ASB18: variants seen among roughly 807,000 people sequenced by gnomAD.
The protein encoded by ASB18 is ankyrin repeat and SOCS box protein 18.
In ASB18, 33 loss-of-function variants were observed where a neutral mutation model predicts 33.4. The observed-to-expected ratio is 0.99, with a 90% CI of 0.75 to 1.32. ASB18 has a LOEUF of 1.32. Among genes scored for constraint, ASB18 ranks in the 40% most tolerant of loss-of-function variants. ASB18 has a pLI of 0.00. For synonymous variants in ASB18, 295 were observed against 307.6 expected, an observed-to-expected ratio of 0.96 and a Z score of 0.43; for missense variants, 694 against 655.5, an observed-to-expected ratio of 1.06 and a Z score of -0.64.
intron 4 of ASB18, among the ~76,000 whole-genome samples, chr2:236,197,794 C>G (rs1346029298): frequency 6.7e-6 from 1 of 149,674 alleles, no homozygotes; most frequent in Non-Finnish European, 1.5e-5. Flanking sequence ...TGCACTCAAG[C>G]CTGGGCAACA....
In ASB18 at chr2:236,209,682, G is replaced by A. The variant is rs992186877; in HGVS notation, c.1101+4680C>T. Among the ~76,000 whole-genome samples, 2 of 152,174 alleles carry A rather than the reference G, an allele frequency of 1.3e-5. No homozygotes were observed. The highest frequency in any genetic ancestry group is 2.4e-5 in the African/African-American group (1 of 41,450). ...GCCCCCTACCTGGTGTGTTCTCTACGTCGAGCTTAGAAATTCCAAAATACT... is the reference window on the plus strand; with the variant it reads ...GCCCCCTACCTGGTGTGTTCTCTACATCGAGCTTAGAAATTCCAAAATACT... On this transcript the variant is annotated intron_variant, in intron 4 of 5. Coordinates refer to ENST00000409749, the MANE Select transcript of ASB18 (RefSeq NM_212556.4). The surrounding 1 kb of genome is among the most constrained non-coding windows in gnomAD (Gnocchi z 4.4).
Position 236,228,863 on chromosome 2 carries a change from A to T in ASB18, c.596+8826T>A, listed in dbSNP as rs2060552707. On this transcript the variant is annotated intron_variant, in intron 3 of 5. Coordinates refer to ENST00000409749, the MANE Select transcript of ASB18 (RefSeq NM_212556.4). This position sits in a 1 kb window ranked among gnomAD's most constrained non-coding sequence, Gnocchi z 5.1. ...TCAAACTATTTCCAAGTAACTTTACATTCCAGAGCAGAGATCAAGAATATT... is the reference window on the plus strand; with the variant it reads ...TCAAACTATTTCCAAGTAACTTTACTTTCCAGAGCAGAGATCAAGAATATT... 6.6e-6 allele frequency among the ~76,000 whole-genome samples: 1 copy of T among 152,236 alleles called. No individual in the cohort carries two copies. The highest frequency in any genetic ancestry group is 1.9e-4 in the East Asian group (1 of 5,200).
chr2:236,231,088 C>T lies in ASB18; in HGVS notation c.596+6601G>A, dbSNP rs564540058. Reference sequence around the variant, plus strand: ...TCTGGTGTCCATGCTCTTCTCTCCTCTCCTTGAGCGTGGGCAGAACCTTTG... The same window carrying T: ...TCTGGTGTCCATGCTCTTCTCTCCTTTCCTTGAGCGTGGGCAGAACCTTTG... On this transcript the variant is annotated intron_variant, in intron 3 of 5. Coordinates refer to ENST00000409749, the MANE Select transcript of ASB18 (RefSeq NM_212556.4). This position sits in a 1 kb window ranked among gnomAD's most constrained non-coding sequence, Gnocchi z 5.5. Among the ~76,000 whole-genome samples, 2 of 152,280 alleles carry T rather than the reference C, an allele frequency of 1.3e-5. No individual in the cohort carries two copies. The highest frequency in any genetic ancestry group is 3.9e-4 in the East Asian group (2 of 5,180).
chr2:236,227,547 C>A (rs2106274606), intron 3 of ASB18, among the ~76,000 whole-genome samples: 1 of 152,166 alleles, frequency 6.6e-6, no homozygotes, highest in Non-Finnish European at 1.5e-5. Context: ...ATAACTTGTC[C>A]AATGTTGCAC....
chr2:236,252,176 CAGG>C lies in ASB18; in HGVS notation c.206-10777_206-10775del, dbSNP rs1300696735. Among the ~76,000 whole-genome samples, 1 of 151,762 alleles carries C rather than the reference CAGG, an allele frequency of 6.6e-6. No individual in the cohort carries two copies. Among genetic ancestry groups the C allele is most frequent in the African/African-American group, 2.4e-5 (1 of 41,332 alleles). ...GTCCCAGCTATTCAGGAGGCTGAGACAGGAGAATTGCTTGAACCCAGGAGGCAG... is the reference window on the plus strand; with the variant it reads ...GTCCCAGCTATTCAGGAGGCTGAGACAGAATTGCTTGAACCCAGGAGGCAG... On this transcript the variant is annotated intron_variant, in intron 1 of 5. Transcript: ENST00000409749. This position sits in a 1 kb window ranked among gnomAD's most constrained non-coding sequence, Gnocchi z 7.9.
At chr2:236,199,335 C>T (rs2060387982) in intron 4 of ASB18, among the ~76,000 whole-genome samples, 1 of 151,300 alleles carries the variant, frequency 6.6e-6, no homozygotes, top group African/African-American at 2.4e-5. Context: ...TCGCTTGAAC[C>T]CGGGAGGCGG....
At position 236,260,856 on chromosome 2, in the gene ASB18, C is replaced by T. The variant is rs1399746424; in HGVS notation, c.205+3285G>A. ...TCGTGCCAGTCTCTGAGGGGAGGCC[C>T]CAGCAGAAAGCAGTTCCCAAGCTCA... On this transcript the variant is annotated intron_variant, in intron 1 of 5. Transcript: ENST00000409749. This position sits in a 1 kb window ranked among gnomAD's most constrained non-coding sequence, Gnocchi z 5.1. Among the ~76,000 whole-genome samples the T allele has an allele frequency of 6.6e-6, 1 of 152,136 alleles. No individual in the cohort carries two copies. The highest frequency in any genetic ancestry group is 1.9e-4 in the East Asian group (1 of 5,186).
At position 236,244,896 on chromosome 2, in the gene ASB18, G is replaced by A. The variant is rs752813432; in HGVS notation, c.206-3494C>T. Among the ~76,000 whole-genome samples, 39 of 152,304 alleles carry A rather than the reference G, an allele frequency of 2.6e-4. No homozygotes were observed. Among genetic ancestry groups the A allele is most frequent in the Non-Finnish European group, 4.3e-4 (29 of 68,026 alleles). On this transcript the variant is annotated intron_variant, in intron 1 of 5. Coordinates refer to ENST00000409749, the MANE Select transcript of ASB18 (RefSeq NM_212556.4). The surrounding 1 kb of genome is among the most constrained non-coding windows in gnomAD (Gnocchi z 6.1). ...CCCTGTTACAGGCATGAGTTTATGT[G>A]CACAGACTGACCCAAGGCCTGGAGG...
rs1383417923 is a variant in ASB18, at chr2:236,196,451, TG to T, written c.1102-67del. Reference sequence around the variant, plus strand: ...GTTCTGGGTCTCAGTGGGGAAAGGGTGGGGGGTGTGGGGGGATGCTCTCCCT... The same window carrying T: ...GTTCTGGGTCTCAGTGGGGAAAGGGTGGGGGTGTGGGGGGATGCTCTCCCT... On this transcript the variant is annotated intron_variant, in intron 4 of 5. Transcript: ENST00000409749. This position sits in a 1 kb window ranked among gnomAD's most constrained non-coding sequence, Gnocchi z 5.6. 1.8e-5 allele frequency: 12 copies of T among 675,254 alleles called. No homozygotes were observed. The highest frequency in any genetic ancestry group is 1.9e-5 in the African/African-American group (1 of 52,700). 41.8% of individuals were successfully genotyped at this position (675,254 alleles called of 1,614,324 possible). A position where few individuals can be genotyped will look rare whatever the true frequency, so the allele number is the denominator to read the frequency against.
At chr2:236,218,228 T>C (rs964029039) in intron 3 of ASB18, among the ~76,000 whole-genome samples, 8 of 152,202 alleles carry the variant, frequency 5.3e-5, no homozygotes, top group African/African-American at 1.9e-4. Context: ...GCTCTTTTCA[T>C]TTTTAATGAA....
In ASB18 at chr2:236,250,130, T is replaced by A. The variant is rs1336498351; in HGVS notation, c.206-8728A>T. The A allele has an allele frequency of 2.0e-5, 3 of 152,242 alleles. No individual in the cohort carries two copies. Among genetic ancestry groups the A allele is most frequent in the Admixed American group, 6.5e-5 (1 of 15,290 alleles). 9.4% of individuals were successfully genotyped at this position (152,242 alleles called of 1,614,324 possible). ...GGGTATCCACATGGTAGTGTTTGAA[T>A]GGTAACTATTATTTTCATGTGACAT... On this transcript the variant is annotated intron_variant, in intron 1 of 5. Coordinates refer to ENST00000409749, the MANE Select transcript of ASB18 (RefSeq NM_212556.4). The surrounding 1 kb of genome is among the most constrained non-coding windows in gnomAD (Gnocchi z 4.1).
In ASB18 at chr2:236,241,409, C is replaced by T. The variant is rs750036485; in HGVS notation, c.206-7G>A. 8.7e-6 allele frequency: 14 copies of T among 1,613,824 alleles called. No individual in the cohort carries two copies. The highest frequency in any genetic ancestry group is 1.1e-5 in the Non-Finnish European group (13 of 1,179,868). On this transcript the variant is annotated splice_polypyrimidine_tract_variant and splice_region_variant and intron_variant, in intron 1 of 5. Coordinates refer to ENST00000409749, the MANE Select transcript of ASB18 (RefSeq NM_212556.4). The surrounding 1 kb of genome is among the most constrained non-coding windows in gnomAD (Gnocchi z 4.2). Reference sequence around the variant, plus strand: ...TTCAGATGGTCGAGGTCCCCTGCGACCAGGGCAGTGTGGTACTCCTGCACC... The same window carrying T: ...TTCAGATGGTCGAGGTCCCCTGCGATCAGGGCAGTGTGGTACTCCTGCACC...
rs961875904 is a variant in ASB18 at position 236,204,228 on chromosome 2, C to T, written c.1102-7843G>A. ...AATGGCACCAATGCTGCTCTTGGCCCAGGCTCTGCCTCGCCAGTGGTCCAT... is the reference window on the plus strand; with the variant it reads ...AATGGCACCAATGCTGCTCTTGGCCTAGGCTCTGCCTCGCCAGTGGTCCAT... On this transcript the variant is annotated intron_variant, in intron 4 of 5. Transcript: ENST00000409749. The surrounding 1 kb of genome is among the most constrained non-coding windows in gnomAD (Gnocchi z 5.1). 6.6e-6 allele frequency among the ~76,000 whole-genome samples: 1 copy of T among 152,196 alleles called. No individual in the cohort carries two copies. The highest frequency in any genetic ancestry group is 2.4e-5 in the African/African-American group (1 of 41,440).
In ASB18 at chr2:236,195,457, CAGT is replaced by C. The variant is rs1291660045; in HGVS notation, c.1216-403_1216-401del. Among the ~76,000 whole-genome samples, 1 of 151,696 alleles carries C rather than the reference CAGT, an allele frequency of 6.6e-6. No homozygotes were observed. The highest frequency in any genetic ancestry group is 2.4e-5 in the African/African-American group (1 of 41,350). On this transcript the variant is annotated intron_variant, in intron 5 of 5. Coordinates refer to ENST00000409749, the MANE Select transcript of ASB18 (RefSeq NM_212556.4). This position sits in a 1 kb window ranked among gnomAD's most constrained non-coding sequence, Gnocchi z 5.5. The stretch of plus-strand genomic sequence containing the variant: ...GAGTGCATGGCATTGGTCTGGTGGT[CAGT>C]CATGCACACATGACTCAAGTCAGTG...
At chr2:236,261,300 C>A (rs1040618074) in intron 1 of ASB18, among the ~76,000 whole-genome samples, 1 of 152,192 alleles carries the variant, frequency 6.6e-6, no homozygotes, top group Non-Finnish European at 1.5e-5. Flanking sequence ...TTTGTGTCTT[C>A]CTTTGCATTG....
At position 236,237,252 on chromosome 2, in the gene ASB18, G is replaced by A. The variant is rs1408136565; in HGVS notation, c.596+437C>T. ...GTGGCCTTTTAGCATCCCCGGCGCCGGCGGCTGGGCTGTGATCACCGCGCT... is the reference window on the plus strand; with the variant it reads ...GTGGCCTTTTAGCATCCCCGGCGCCAGCGGCTGGGCTGTGATCACCGCGCT... On this transcript the variant is annotated intron_variant, in intron 3 of 5. Coordinates refer to ENST00000409749, the MANE Select transcript of ASB18 (RefSeq NM_212556.4). This position sits in a 1 kb window ranked among gnomAD's most constrained non-coding sequence, Gnocchi z 6.2. Among the ~76,000 whole-genome samples the A allele has an allele frequency of 9.9e-5, 15 of 151,568 alleles. No homozygotes were observed. In the East Asian group the frequency reaches 2.5e-3, roughly 25 times the overall value.
At position 236,214,543 on chromosome 2, in the gene ASB18, C is replaced by T. The variant is rs1281682268; in HGVS notation, c.920G>A (p.Ser307Asn). The T allele has an allele frequency of 1.1e-5, 15 of 1,408,348 alleles. No individual in the cohort carries two copies. The highest frequency in any genetic ancestry group is 1.3e-5 in the Non-Finnish European group (14 of 1,094,692). The allele number at this position is 1,408,348 out of a possible 1,614,324, so 87.2% of individuals were successfully genotyped here. A position where few individuals can be genotyped will look rare whatever the true frequency, so the allele number is the denominator to read the frequency against. The change falls in exon 4 of 6, where the codon AGC becomes AAC. Residue 307 changes from serine to asparagine, a missense_variant. By Grantham distance (46) the Ser-to-Asn change is conservative. Coordinates refer to ENST00000409749, the MANE Select transcript of ASB18 (RefSeq NM_212556.4). The surrounding 1 kb of genome is among the most constrained non-coding windows in gnomAD (Gnocchi z 6.5). ...LHKACGHASH[S>N]LARLLLRHGA... is the part of the protein sequence containing the mutation. ...GTGCCGCAGTAGGAGGCGCGCCAGG[C>T]TGTGGCTCGCGTGGCCGCAGGCTTT...
chr2:236,242,615 C>T (rs114726624), intron 1 of ASB18, among the ~76,000 whole-genome samples: 19 of 152,272 alleles, frequency 1.2e-4, no homozygotes, highest in South Asian at 8.3e-4. Flanking sequence ...CATATCACCA[C>T]GCCCTGCTAA....
At position 236,196,357 on chromosome 2, in the gene ASB18, G is replaced by T; in HGVS notation, c.1130C>A (p.Ala377Glu). 6.4e-7 allele frequency: 1 copy of T among 1,567,154 alleles called. No homozygotes were observed. The highest frequency in any genetic ancestry group is 8.7e-7 in the Non-Finnish European group (1 of 1,155,228). The stretch of plus-strand genomic sequence containing the variant: ...GGAGTTGAAAAGCACCTCGATGACT[G>T]CGGGGACAGATGCACAGGTCTTCAG... ...KVLKTCASVP[A>E]VIEVLFNSYP... Residue 377 changes from alanine to glutamate, a missense_variant, in exon 5 of 6, where the codon GCA (alanine) becomes GAA (glutamate). Coordinates refer to ENST00000409749, the MANE Select transcript of ASB18 (RefSeq NM_212556.4). The surrounding 1 kb of genome is among the most constrained non-coding windows in gnomAD (Gnocchi z 5.6).
Sources: allele counts gnomAD v4.1 joint callset (sites outside exome capture counted in the v4.1 genomes callset), GRCh38; gene constraint gnomAD v4.1.1; non-coding constraint Gnocchi (gnomAD v3.1); transcripts MANE v1.5; gene names NCBI Gene and HGNC (gene_info 2026-07-23, HGNC 2026-07-21).